RIMS1: variants seen among roughly 807,000 people sequenced by gnomAD.
The protein encoded by RIMS1 is regulating synaptic membrane exocytosis protein 1.
In RIMS1, 83 loss-of-function variants were observed where a neutral mutation model predicts 214.1. The observed-to-expected ratio is 0.39, with a 90% CI of 0.32 to 0.47. The LOEUF (loss-of-function observed/expected upper bound fraction) is 0.47, where lower values mean the gene tolerates loss of function less well. Ranked by LOEUF, RIMS1 falls within the 20% of genes least tolerant of loss-of-function variation. RIMS1 has a pLI of 0.99. For synonymous variants in RIMS1, 793 were observed against 786.8 expected, an observed-to-expected ratio of 1.01 and a Z score of -0.13; for missense variants, 2,050 against 2,161.8, an observed-to-expected ratio of 0.95 and a Z score of 1.03.
chr6:72,333,665 C>T lies in RIMS1; in HGVS notation c.4196C>T (p.Thr1399Ile). Residue 1399 changes from threonine to isoleucine, a missense_variant, in exon 29 of 34, where the codon ACC becomes ATC. Coordinates refer to ENST00000521978, the MANE Select transcript of RIMS1 (RefSeq NM_014989.7). ...GTSGRSIMKS[T>I]SVSGEMYTLE... The stretch of plus-strand genomic sequence containing the variant: ...TCAGGAAGATCCATCATGAAGAGCA[C>T]CAGTGTCAGTGGAGAGATGTACACA... 1 of 1,597,494 alleles carries T rather than the reference C, an allele frequency of 6.3e-7. No homozygotes were observed. Among genetic ancestry groups the T allele is most frequent in the Non-Finnish European group, 8.5e-7 (1 of 1,171,874 alleles).
intron 6 of RIMS1, among the ~76,000 whole-genome samples, chr6:72,210,735 G>A (rs2053662077): frequency 1.3e-5 from 2 of 152,164 alleles, no homozygotes; most frequent in Admixed American, 1.3e-4. Context: ...GACTTGATAT[G>A]TCATTTATCA....
intron 29 of RIMS1, among the ~76,000 whole-genome samples, chr6:72,334,249 A>G (rs1052803497): frequency 5.3e-5 from 8 of 151,898 alleles, no homozygotes; most frequent in Non-Finnish European, 1.2e-4. Flanking sequence ...GCAACGTGAC[A>G]TATACTCTTC....
chr6:72,355,927 A>G (rs530267935), intron 29 of RIMS1, among the ~76,000 whole-genome samples: 71 of 152,324 alleles, frequency 4.7e-4, no homozygotes, highest in African/African-American at 1.7e-3. Flanking sequence ...CACTGTTCTC[A>G]GAAGATTCTG....
intron 31 of RIMS1, among the ~76,000 whole-genome samples, chr6:72,396,267 CTACAAAACACACGTGTGTA>C (rs1432761113): frequency 6.6e-6 from 1 of 152,132 alleles, no homozygotes; most frequent in African/African-American, 2.4e-5. Flanking sequence ...GTTAACGTTT[CTACAAAACACACGTGTGTA>C]TGTGTGTGTG....
At chr6:72,198,265 G>A (rs1017673682) in intron 6 of RIMS1, among the ~76,000 whole-genome samples, 1 of 151,966 alleles carries the variant, frequency 6.6e-6, no homozygotes, top group African/African-American at 2.4e-5. Context: ...AATACGATTC[G>A]CCCATATGAA....
intron 18 of RIMS1, among the ~76,000 whole-genome samples, chr6:72,259,513 A>G (rs900279611): frequency 6.6e-6 from 1 of 152,162 alleles, no homozygotes; most frequent in Non-Finnish European, 1.5e-5. Context: ...TTGTGGATAC[A>G]TGCCATTTGA....
At chr6:72,054,089 C>G (rs780945653) in intron 2 of RIMS1, among the ~76,000 whole-genome samples, 3 of 151,894 alleles carry the variant, frequency 2.0e-5, no homozygotes, top group Admixed American at 6.6e-5. Flanking sequence ...CCACCACCCC[C>G]CAAACTGGCC....
chr6:71,999,882 C>T (rs540040564), intron 2 of RIMS1, among the ~76,000 whole-genome samples: 1 of 152,178 alleles, frequency 6.6e-6, no homozygotes, highest in South Asian at 2.1e-4. Context: ...ATAATTTCTT[C>T]CAGTTCCTGT....
intron 32 of RIMS1, 75 bp downstream of exon 32, chr6:72,398,425 G>C: frequency 4.9e-6 from 4 of 815,132 alleles, no homozygotes; most frequent in Non-Finnish European, 7.8e-6. Context: ...TGCTGCATTT[G>C]AATTTCATAT....
At chr6:71,944,268 G>T (rs75259268) in intron 1 of RIMS1, among the ~76,000 whole-genome samples, 2,829 of 152,280 alleles carry the variant, frequency 0.019, 75 homozygotes, top group African/African-American at 0.063. Flanking sequence ...CTTAAGACTT[G>T]TAAGTGAATG....
At chr6:72,091,314 G>A (rs1178140261) in intron 2 of RIMS1, among the ~76,000 whole-genome samples, 1 of 152,100 alleles carries the variant, frequency 6.6e-6, no homozygotes, top group Admixed American at 6.5e-5. Flanking sequence ...CAGGAAGAAA[G>A]GTAGAATTTT....
intron 4 of RIMS1, among the ~76,000 whole-genome samples, chr6:72,124,938 C>T (rs117771628): frequency 0.022 from 3,421 of 152,220 alleles, 58 homozygotes; most frequent in Middle Eastern, 0.044. Flanking sequence ...TCCTTTAGCT[C>T]GAAGAAGTTT....
chr6:72,307,419 G>A (rs1338388283), intron 27 of RIMS1, 49 bp downstream of exon 27: 4 of 1,203,858 alleles, frequency 3.3e-6, no homozygotes, highest in East Asian at 2.5e-5. Context: ...AAAATGTGTA[G>A]TGTGTGTACC....
intron 26 of RIMS1, among the ~76,000 whole-genome samples, chr6:72,306,672 G>T (rs1198068450): frequency 1.6e-4 from 24 of 152,158 alleles, no homozygotes; most frequent in Admixed American, 1.6e-3. Context: ...TAGCCATAAG[G>T]AATAGTGAGC....
chr6:72,254,985 T>C (rs1282575999), intron 16 of RIMS1, among the ~76,000 whole-genome samples: 2 of 150,030 alleles, frequency 1.3e-5, no homozygotes, highest in African/African-American at 4.9e-5. Context: ...TAGTAACTTA[T>C]AAAACTGATA....
intron 1 of RIMS1, among the ~76,000 whole-genome samples, chr6:71,945,582 A>C (rs2151064588): frequency 6.6e-6 from 1 of 152,242 alleles, no homozygotes; most frequent in African/African-American, 2.4e-5. Context: ...GAAAAGTTGA[A>C]ACCTTTTTTC....
At chr6:72,115,315 A>G (rs1316309160) in intron 4 of RIMS1, among the ~76,000 whole-genome samples, 1 of 151,952 alleles carries the variant, frequency 6.6e-6, no homozygotes, top group East Asian at 1.9e-4. Flanking sequence ...TAGAAAGAGC[A>G]TCTATTGAGA....
intron 2 of RIMS1, among the ~76,000 whole-genome samples, chr6:72,029,038 C>T (rs1365440061): frequency 6.6e-6 from 1 of 152,108 alleles, no homozygotes; most frequent in Non-Finnish European, 1.5e-5. Flanking sequence ...TTGGTAACCA[C>T]AGTTCATGTA....
At chr6:71,986,079 A>C (rs1799852667) in intron 2 of RIMS1, among the ~76,000 whole-genome samples, 1 of 152,200 alleles carries the variant, frequency 6.6e-6, no homozygotes, top group Non-Finnish European at 1.5e-5. Flanking sequence ...TTTTTTCATA[A>C]AAGTATGTCT....
Sources: allele counts gnomAD v4.1 joint callset (sites outside exome capture counted in the v4.1 genomes callset), GRCh38; gene constraint gnomAD v4.1.1; transcripts MANE v1.5; gene names NCBI Gene and HGNC (gene_info 2026-07-23, HGNC 2026-07-21).